Variants in PTPRM observed in about 807,000 individuals in gnomAD.
The protein encoded by PTPRM is protein tyrosine phosphatase receptor type M.
A neutral mutation model predicts 186.7 loss-of-function variants in PTPRM; 47 were observed. The ratio of observed to expected loss-of-function variants is 0.25; its 90% CI spans 0.20 to 0.32. The LOEUF is 0.32. PTPRM is among the 10% of genes least tolerant of loss of function. The pLI, the probability that PTPRM is intolerant of heterozygous loss-of-function variation, is 1.00. For synonymous variants in PTPRM, 668 were observed against 674.9 expected (o/e 0.99, Z 0.16); for missense variants, 1,494 against 1,865.0 (o/e 0.80, Z 3.66).
intron 1 of PTPRM, among the ~76,000 whole-genome samples, chr18:7,732,704 A>G (rs1469976804): frequency 1.3e-5 from 2 of 151,950 alleles, no homozygotes; most frequent in Non-Finnish European, 2.9e-5. Context: ...ACGGAGTCTC[A>G]CTATTGCCCA....
At chr18:8,252,539 G>T in intron 18 of PTPRM, 40 bp downstream of exon 18, 1 of 1,527,778 alleles carries the variant, frequency 6.5e-7, no homozygotes, top group Non-Finnish European at 9.1e-7. Flanking sequence ...GTTGTGGAGG[G>T]AGTGGGAGTG....
At chr18:8,385,665 T>TG (rs2095767440) in intron 30 of PTPRM, among the ~76,000 whole-genome samples, 1 of 152,170 alleles carries the variant, frequency 6.6e-6, no homozygotes, top group Admixed American at 6.5e-5. Flanking sequence ...GACAGTGGCT[T>TG]GGGGGCCCCG....
chr18:7,640,799 A>G (rs2038425723), intron 1 of PTPRM, among the ~76,000 whole-genome samples: 1 of 152,174 alleles, frequency 6.6e-6, no homozygotes, highest in Non-Finnish European at 1.5e-5. Flanking sequence ...AGTTGGATTA[A>G]TTAAGAGGGT....
intron 24 of PTPRM, 55 bp from the exon 25 acceptor site, chr18:8,375,991 T>C: frequency 6.5e-7 from 1 of 1,533,102 alleles, no homozygotes; most frequent in South Asian, 1.2e-5. Context: ...CCCTGCTTAT[T>C]TGTGGTTTGT....
chr18:7,572,234 CAT>C (rs1010390176), intron 1 of PTPRM, among the ~76,000 whole-genome samples: 17 of 152,080 alleles, frequency 1.1e-4, no homozygotes, highest in African/African-American at 4.1e-4. Flanking sequence ...AATCTATTGA[CAT>C]GTAGTGATAT....
At chr18:8,165,660 C>A (rs2093311933) in intron 14 of PTPRM, among the ~76,000 whole-genome samples, 1 of 152,174 alleles carries the variant, frequency 6.6e-6, no homozygotes, top group Non-Finnish European at 1.5e-5. Context: ...TTTTAGGCAC[C>A]AGAGAGTGAA....
intron 2 of PTPRM, among the ~76,000 whole-genome samples, chr18:7,861,188 A>T (rs2047361295): frequency 6.6e-6 from 1 of 152,204 alleles, no homozygotes; most frequent in Non-Finnish European, 1.5e-5. Context: ...AATGAGTTCT[A>T]CATGGCTGAA....
chr18:7,658,615 T>C (rs923014892), intron 1 of PTPRM, among the ~76,000 whole-genome samples: 1 of 152,082 alleles, frequency 6.6e-6, no homozygotes, highest in Non-Finnish European at 1.5e-5. Context: ...GAAGGTTGGC[T>C]CTGAAGCCTA....
At position 8,326,233 on chromosome 18, in the gene PTPRM, G is replaced by A. The variant is rs80285484; in HGVS notation, c.2956+7019G>A. Among the ~76,000 whole-genome samples, 550 of 152,196 alleles carry A rather than the reference G, an allele frequency of 3.6e-3. 4 individuals carry two copies. Among genetic ancestry groups the A allele is most frequent in the Non-Finnish European group, 6.3e-3 (430 of 67,988 alleles). ...GCAATTGCTTTTGACATCTGAGGAG[G>A]TGTAAGATCTCTACAGCGAGAACTA... On this transcript the variant is annotated intron_variant, in intron 22 of 32. Coordinates refer to ENST00000580170, the MANE Select transcript of PTPRM (RefSeq NM_001105244.2).
intron 5 of PTPRM, among the ~76,000 whole-genome samples, chr18:7,943,015 G>A (rs572332684): frequency 2.6e-5 from 4 of 152,186 alleles, no homozygotes; most frequent in South Asian, 2.1e-4. Context: ...AACTAATAAC[G>A]TCATTGAAGG....
chr18:7,827,470 C>G (rs1227857644), intron 2 of PTPRM, among the ~76,000 whole-genome samples: 3 of 152,206 alleles, frequency 2.0e-5, no homozygotes, highest in African/African-American at 7.2e-5. Context: ...GTTTACAAGA[C>G]TCTCCCATTC....
chr18:7,985,529 G>A (rs1238570472), intron 7 of PTPRM, among the ~76,000 whole-genome samples: 1 of 134,440 alleles, frequency 7.4e-6, no homozygotes, highest in Non-Finnish European at 1.7e-5. Context: ...TGGTAGATAC[G>A]TATATAAATA....
At chr18:7,978,303 G>A (rs982625884) in intron 7 of PTPRM, among the ~76,000 whole-genome samples, 4 of 152,072 alleles carry the variant, frequency 2.6e-5, no homozygotes, top group Non-Finnish European at 4.4e-5. Flanking sequence ...ATTCAACACC[G>A]AGAGATATTT....
In PTPRM at chr18:7,922,717, C is replaced by T. The variant is rs2050936760; in HGVS notation, c.548-3851C>T. Among the ~76,000 whole-genome samples the T allele has an allele frequency of 2.6e-5, 4 of 152,026 alleles. No homozygotes were observed. In the South Asian group the frequency reaches 8.3e-4, roughly 32 times the overall value. ...TATTTTTTGTGGGAGTGAGTGAAGC[C>T]AACTTGCTTCTATGCCACCATTTCA... On this transcript the variant is annotated intron_variant, in intron 4 of 32. Coordinates refer to ENST00000580170, the MANE Select transcript of PTPRM (RefSeq NM_001105244.2).
intron 1 of PTPRM, among the ~76,000 whole-genome samples, chr18:7,681,913 G>A (rs2039490304): frequency 6.6e-6 from 1 of 152,206 alleles, no homozygotes; most frequent in African/African-American, 2.4e-5. Context: ...TGACAGTGCT[G>A]TGATGAGAGT....
intron 22 of PTPRM, among the ~76,000 whole-genome samples, chr18:8,331,827 C>T (rs624640): frequency 0.66 from 100,269 of 152,076 alleles, 33,469 homozygotes; most frequent in Non-Finnish European, 0.72. Flanking sequence ...ACAACAGCTG[C>T]ATCCTAAGCT....
At chr18:8,048,254 G>A (rs1225452822) in intron 7 of PTPRM, among the ~76,000 whole-genome samples, 1 of 151,652 alleles carries the variant, frequency 6.6e-6, no homozygotes, top group African/African-American at 2.4e-5. Flanking sequence ...CAGCAGAGAG[G>A]TAAACTGCTC....
intron 2 of PTPRM, among the ~76,000 whole-genome samples, chr18:7,867,839 G>A (rs1326652746): frequency 6.6e-6 from 1 of 152,122 alleles, no homozygotes; most frequent in African/African-American, 2.4e-5. Context: ...CACCAATCAA[G>A]CATAGGTTTC....
chr18:8,035,855 T>C (rs2086291364), intron 7 of PTPRM, among the ~76,000 whole-genome samples: 1 of 152,206 alleles, frequency 6.6e-6, no homozygotes, highest in South Asian at 2.1e-4. Flanking sequence ...TCGATTATTT[T>C]TTAACAACCC....
Sources: gnomAD v4.1 joint callset for allele counts (sites outside exome capture counted in the v4.1 genomes callset) on GRCh38, gnomAD v4.1.1 for gene constraint, MANE v1.5 for transcripts, NCBI Gene and HGNC (gene_info 2026-07-23, HGNC 2026-07-21) for gene names.